Variants in IQANK1 observed in about 807,000 individuals in gnomAD.
The protein encoded by IQANK1 is IQ motif and ankyrin repeat containing 1.
Under a neutral mutation model 22.6 loss-of-function variants are expected in IQANK1, and 30 were observed. That is an observed-to-expected ratio of 1.33 (90% CI 0.99 to 1.80). The LOEUF (loss-of-function observed/expected upper bound fraction) is 1.80. Ranked by LOEUF, IQANK1 falls within the 40% of genes most tolerant of loss-of-function variation. IQANK1 has a pLI of 0.00. For missense variants in IQANK1, 275 were observed against 235.2 expected (o/e 1.17, Z -1.11); for synonymous variants, 122 against 99.6 (o/e 1.23, Z -1.34).
At chr8:143,773,326 CA>C (rs371555172) in intron 7 of IQANK1, among the ~76,000 whole-genome samples, 5,416 of 121,578 alleles carry the variant, frequency 0.045, 324 homozygotes, top group African/African-American at 0.19. Context: ...ACAAAAAAAA[CA>C]CAAAAAAAAC....
rs540295343 is a variant in IQANK1, at chr8:143,757,327, T to C, written c.176-14161T>C. Among the ~76,000 whole-genome samples, 120 of 151,842 alleles carry C rather than the reference T, an allele frequency of 7.9e-4. 1 individual carries two copies. The highest frequency in any genetic ancestry group is 2.8e-3 in the African/African-American group (116 of 41,400). Reference sequence around the variant, plus strand: ...ATAGTGGCAGGTAGTGTAAGGTACATAATGTGTCTTTCTTTTTTTTTTTTT... The same window carrying C: ...ATAGTGGCAGGTAGTGTAAGGTACACAATGTGTCTTTCTTTTTTTTTTTTT... On this transcript the variant is annotated intron_variant, in intron 3 of 13. Transcript: ENST00000527139.
rs552749368 is a variant in IQANK1, at chr8:143,756,189, G to C, written c.176-15299G>C. 8.0e-4 allele frequency among the ~76,000 whole-genome samples: 122 copies of C among 152,288 alleles called. 2 individuals carry two copies. The highest frequency in any genetic ancestry group is 2.8e-3 in the African/African-American group (118 of 41,552). On this transcript the variant is annotated intron_variant, in intron 3 of 13. Transcript: ENST00000527139. ...CTGCTCTTTTTGGTATCTAGCCAAA[G>C]CATTAACTACCACCAGGAACTAAGT... is the stretch of plus-strand genomic sequence containing the variant.
intron 3 of IQANK1, among the ~76,000 whole-genome samples, chr8:143,743,397 G>C (rs1818963676): frequency 6.6e-6 from 1 of 152,080 alleles, no homozygotes. Context: ...CCCACGTCTG[G>C]CAAGCCTCTT....
chr8:143,771,648 G>T lies in IQANK1; in HGVS notation c.306+30G>T. On this transcript the variant is annotated intron_variant, in intron 4 of 13. Transcript: ENST00000527139. This position sits in a 1 kb window ranked among gnomAD's most constrained non-coding sequence, Gnocchi z 6.0. The stretch of plus-strand genomic sequence containing the variant: ...GGACGGGCAGCCGCAACAGCCGGGG[G>T]CCAGGCAGGAGGCAGGGGGAGGAAA... 3 of 399,898 alleles carry T rather than the reference G, an allele frequency of 7.5e-6. No homozygotes were observed. The highest frequency in any genetic ancestry group is 1.3e-5 in the Non-Finnish European group (3 of 227,210). 24.8% of individuals were successfully genotyped at this position (399,898 alleles called of 1,614,324 possible).
intron 6 of IQANK1, 38 bp from the exon 7 acceptor site, chr8:143,772,319 G>A (rs1172323477): frequency 2.8e-5 from 11 of 398,786 alleles, no homozygotes; most frequent in Non-Finnish European, 4.9e-5. Context: ...TCCCCCAGGG[G>A]CAAGGCCTGG....
chr8:143,787,936 T>A (rs1173490528), intron 7 of IQANK1, among the ~76,000 whole-genome samples: 2 of 152,156 alleles, frequency 1.3e-5, no homozygotes, highest in Non-Finnish European at 2.9e-5. Context: ...CTCTTGGTTG[T>A]GGCACCCACC....
chr8:143,773,462 C>G lies in IQANK1; in HGVS notation c.789+980C>G, dbSNP rs529269463. Among the ~76,000 whole-genome samples the G allele has an allele frequency of 2.6e-5, 4 of 152,210 alleles. 1 individual carries two copies. Among genetic ancestry groups the G allele is most frequent in the African/African-American group, 7.2e-5 (3 of 41,500 alleles). ...CTGGAAAACCAGACCACGAACCTCG[C>G]CTACCTTAGTTTCATTTAAATCAAC... is the stretch of plus-strand genomic sequence containing the variant. On this transcript the variant is annotated intron_variant, in intron 7 of 13. Transcript: ENST00000527139.
chr8:143,740,748 G>A lies in IQANK1; in HGVS notation c.175+800G>A, dbSNP rs143320678. ...CACCTGTCCTCCCCAGCCCAGGCCC[G>A]GCACCGCCCATCGCCTGATCGCCTG... On this transcript the variant is annotated intron_variant, in intron 3 of 13. Transcript: ENST00000527139. Among the ~76,000 whole-genome samples, 5 of 152,318 alleles carry A rather than the reference G, an allele frequency of 3.3e-5. No homozygotes were observed. In the East Asian group the frequency reaches 7.8e-4, roughly 24 times the overall value.
intron 3 of IQANK1, chr8:143,759,806 C>G (rs1240799174): frequency 1.3e-5 from 2 of 152,200 alleles, no homozygotes; most frequent in East Asian, 3.8e-4. Context: ...AGTTCATTAA[C>G]CTGGTAGGAA....
intron 3 of IQANK1, chr8:143,743,017 T>C (rs1320287750): frequency 6.6e-6 from 3 of 455,868 alleles, no homozygotes; most frequent in South Asian, 1.5e-5. Context: ...CCTGGGACCA[T>C]TGAGATGCCC....
chr8:143,750,967 T>TGTGTG (rs1554627960), intron 3 of IQANK1, among the ~76,000 whole-genome samples: 4 of 145,624 alleles, frequency 2.7e-5, no homozygotes, highest in Non-Finnish European at 6.0e-5. Flanking sequence ...TGTGTGTGTG[T>TGTGTG]TTTTTTGTAG....
intron 3 of IQANK1, among the ~76,000 whole-genome samples, chr8:143,762,320 G>T (rs1429694282): frequency 6.6e-6 from 1 of 150,742 alleles, no homozygotes; most frequent in Non-Finnish European, 1.5e-5. Flanking sequence ...AAGGAAGGAA[G>T]GAAGGAAGGG....
At chr8:143,786,517 G>T (rs1221536026) in intron 7 of IQANK1, among the ~76,000 whole-genome samples, 1 of 152,204 alleles carries the variant, frequency 6.6e-6, no homozygotes, top group East Asian at 1.9e-4. Flanking sequence ...TCTCCTATGT[G>T]TTTACCCATT....
chr8:143,735,734 G>A lies in IQANK1; in HGVS notation c.-4-116G>A, dbSNP rs116449549. The A allele has an allele frequency of 8.9e-3, 5,709 of 642,804 alleles. 139 individuals are homozygous for A. Among genetic ancestry groups the A allele is most frequent in the African/African-American group, 0.063 (3,518 of 56,198 alleles). The allele number at this position is 642,804 out of a possible 1,614,324, so 39.8% of individuals were successfully genotyped here. On this transcript the variant is annotated intron_variant, in intron 1 of 13. Transcript: ENST00000527139. The surrounding 1 kb of genome is among the most constrained non-coding windows in gnomAD (Gnocchi z 5.2). Reference sequence around the variant, plus strand: ...GCTGGGAAGCCTCAGGGGAGCCCATGTTCCTGCTGTCATCCACTCAGGCGC... The same window carrying A: ...GCTGGGAAGCCTCAGGGGAGCCCATATTCCTGCTGTCATCCACTCAGGCGC...
At chr8:143,742,334 A>T in intron 3 of IQANK1, 2 of 451,994 alleles carry the variant, frequency 4.4e-6, no homozygotes, top group South Asian at 3.1e-5. Flanking sequence ...GCCCGCCAGG[A>T]TCTCCCTGCT....
chr8:143,749,295 AAT>A (rs1341026951), intron 3 of IQANK1, among the ~76,000 whole-genome samples: 1 of 117,260 alleles, frequency 8.5e-6, no homozygotes, highest in East Asian at 2.5e-4. Flanking sequence ...AAAAATATAT[AAT>A]ATATAAAAAT....
At chr8:143,763,721 T>C (rs1391400628) in intron 3 of IQANK1, among the ~76,000 whole-genome samples, 1 of 152,236 alleles carries the variant, frequency 6.6e-6, no homozygotes, top group South Asian at 2.1e-4. Context: ...GCAGGTGCCA[T>C]GCTTGTGCAG....
chr8:143,779,394 G>A (rs1819753719), intron 7 of IQANK1, among the ~76,000 whole-genome samples: 1 of 152,248 alleles, frequency 6.6e-6, no homozygotes, highest in Non-Finnish European at 1.5e-5. Flanking sequence ...TTTGTTGAAC[G>A]ATGAATTCAT....
chr8:143,762,267 C>T (rs535264448), intron 3 of IQANK1, among the ~76,000 whole-genome samples: 1 of 150,988 alleles, frequency 6.6e-6, no homozygotes, highest in Admixed American at 6.6e-5. Context: ...CGAGATCGCG[C>T]CATTGCACTC....
Sources: gnomAD v4.1 joint callset for allele counts (sites outside exome capture counted in the v4.1 genomes callset) on GRCh38, gnomAD v4.1.1 for gene constraint, Gnocchi (gnomAD v3.1) non-coding constraint, MANE v1.5 for transcripts, NCBI Gene and HGNC (gene_info 2026-07-23, HGNC 2026-07-21) for gene names.